FAT1: variants seen among roughly 807,000 people sequenced by gnomAD.
FAT1 encodes the protein FAT atypical cadherin 1, also known as protocadherin Fat 1.
A neutral mutation model predicts 329.8 loss-of-function variants in FAT1; 171 were observed. The ratio of observed to expected loss-of-function variants is 0.52; its 90% CI spans 0.46 to 0.59. FAT1 has a LOEUF of 0.59. Ranked by LOEUF, FAT1 falls within the 20% of genes least tolerant of loss-of-function variation. FAT1 has a pLI of 0.00. For synonymous variants in FAT1, 2,233 were observed against 2,228.6 expected, an observed-to-expected ratio of 1.00 and a Z score of -0.06; for missense variants, 5,672 against 5,774.4, an observed-to-expected ratio of 0.98 and a Z score of 0.57.
rs1438934736 is a variant in FAT1, at chr4:186,645,960, A to AT, written c.3581-6178_3581-6177insA. Among the ~76,000 whole-genome samples, 22 of 113,332 alleles carry AT rather than the reference A, an allele frequency of 1.9e-4. 1 individual carries two copies. Among genetic ancestry groups the AT allele is most frequent in the African/African-American group, 3.4e-4 (9 of 26,348 alleles). The allele number at this position is 113,332 out of a possible 152,430, so 74.4% of individuals were successfully genotyped here. On this transcript the variant is annotated intron_variant, in intron 3 of 26. Transcript: ENST00000441802. ...GACTGTCTCACAAAAAAAAAAAAAA[A>AT]AAATATATACACACACACACACACA...
intron 3 of FAT1, among the ~76,000 whole-genome samples, chr4:186,652,486 T>C (rs1579392185): frequency 1.3e-5 from 2 of 152,228 alleles, no homozygotes; most frequent in East Asian, 3.8e-4. Flanking sequence ...ATGTACTGAA[T>C]AACATTTGAC....
chr4:186,654,636 G>A (rs1435680799), intron 3 of FAT1, among the ~76,000 whole-genome samples: 5 of 152,150 alleles, frequency 3.3e-5, no homozygotes, highest in Non-Finnish European at 5.9e-5. Flanking sequence ...CAGGTTGGGC[G>A]CAGTGGCTCA....
At chr4:186,592,129 C>T (rs933570788) in intron 26 of FAT1, among the ~76,000 whole-genome samples, 3 of 152,154 alleles carry the variant, frequency 2.0e-5, no homozygotes, top group South Asian at 4.1e-4. Flanking sequence ...AATTTCAGTG[C>T]ACTAATAAAG....
chr4:186,721,568 C>T (rs770584208), intron 1 of FAT1, among the ~76,000 whole-genome samples: 1 of 152,212 alleles, frequency 6.6e-6, no homozygotes, highest in Non-Finnish European at 1.5e-5. Flanking sequence ...TAAATCAGGT[C>T]CTTTAGGCTA....
At chr4:186,621,828 A>G (rs919272038) in intron 9 of FAT1, 53 bp from the exon 10 acceptor site, 52 of 1,117,186 alleles carry the variant, frequency 4.7e-5, no homozygotes, top group Admixed American at 3.4e-4. Flanking sequence ...GGGCAGTAGT[A>G]GTAGTAGTTA....
rs772458580 is a variant in FAT1 at position 186,708,174 on chromosome 4, C to T, written c.1654G>A (p.Glu552Lys). ...TTGAGAGTAATTGTAGCAAGGACTTCGACTTCCCGGCGGTACGGCAAGCCC... is the reference window on the plus strand; with the variant it reads ...TTGAGAGTAATTGTAGCAAGGACTTTGACTTCCCGGCGGTACGGCAAGCCC... ...DWGLPYRREV[E>K]VLATITLNNL... is the part of the protein sequence containing the mutation. Residue 552 changes from glutamate to lysine, a missense_variant, in exon 2 of 27, where the codon GAA becomes AAA. Physicochemically the swap from Glu to Lys is moderately conservative, Grantham distance 56 (BLOSUM62 1). This residue lies in a region of FAT1 where 3,966 missense variants were observed against 3,915.2 expected (regional missense o/e 1.01). Transcript: ENST00000441802. 1.7e-5 allele frequency: 28 copies of T among 1,613,856 alleles called. No homozygotes were observed. The highest frequency in any genetic ancestry group is 2.7e-5 in the African/African-American group (2 of 74,904).
chr4:186,661,618 CCT>C (rs1342151879), intron 3 of FAT1, among the ~76,000 whole-genome samples: 4 of 152,170 alleles, frequency 2.6e-5, no homozygotes, highest in African/African-American at 9.7e-5. Flanking sequence ...AGACTTTGCC[CCT>C]GTGTATCTCT....
upstream of FAT1, chr4:186,726,208 C>T (rs999370086): frequency 6.6e-6 from 1 of 152,310 alleles, no homozygotes; most frequent in African/African-American, 2.4e-5. Flanking sequence ...CGCACAAAGC[C>T]AGAGGGATGC....
chr4:186,665,348 C>T (rs1475679562), intron 2 of FAT1, among the ~76,000 whole-genome samples: 1 of 152,220 alleles, frequency 6.6e-6, no homozygotes, highest in African/African-American at 2.4e-5. Context: ...ACATCCTCTC[C>T]AGCACCTGTT....
intron 2 of FAT1, among the ~76,000 whole-genome samples, chr4:186,682,514 G>A (rs1039707806): frequency 9.6e-5 from 7 of 73,130 alleles, no homozygotes; most frequent in Non-Finnish European, 1.7e-4. Context: ...GTGAAAGAGC[G>A]AGACTCTGTC....
At position 186,709,700 on chromosome 4, in the gene FAT1, A is replaced by G. The variant is rs1317768990; in HGVS notation, c.128T>C (p.Val43Ala). 6.2e-7 allele frequency: 1 copy of G among 1,613,868 alleles called. No homozygotes were observed. Among genetic ancestry groups the G allele is most frequent in the Non-Finnish European group, 8.5e-7 (1 of 1,179,888 alleles). The change falls in exon 2 of 27, where the codon GTG becomes GCG. Residue 43 changes from valine (V) to alanine (A), a missense_variant. Physicochemically the swap from Val to Ala is moderately conservative, Grantham distance 64. This residue lies in a region of FAT1 where 3,966 missense variants were observed against 3,915.2 expected (regional missense o/e 1.01). Transcript: ENST00000441802. ...AGTCTTAGCTGCAGAGTTCTCCTGC[A>G]CGGTGACGTTGTACTCGAGGTGTGT... ...QFTHLEYNVT[V>A]QENSAAKTYV...
chr4:186,675,716 C>T (rs377588229), intron 2 of FAT1, among the ~76,000 whole-genome samples: 5 of 151,648 alleles, frequency 3.3e-5, no homozygotes, highest in African/African-American at 1.2e-4. Flanking sequence ...CATTCCAGCC[C>T]AGGTGACAGA....
intron 25 of FAT1, 74 bp from the exon 26 acceptor site, chr4:186,595,900 C>G: frequency 6.8e-7 from 1 of 1,466,808 alleles, no homozygotes; most frequent in Non-Finnish European, 9.4e-7. Context: ...CTGAGACACA[C>G]CATGCATTAC....
In FAT1 at chr4:186,700,067, C is replaced by T. The variant is rs1039760016; in HGVS notation, c.3265+6496G>A. Among the ~76,000 whole-genome samples the T allele has an allele frequency of 5.9e-5, 9 of 152,082 alleles. No individual in the cohort carries two copies. The East Asian group carries it at 7.7e-4, about 13-fold the overall frequency. ...TAAGCTTACTCTGGCTTTCTTGCCC[C>T]GTACTAGATGGCCAAGAGGACAGCT... On this transcript the variant is annotated intron_variant, in intron 2 of 26. Coordinates refer to ENST00000441802, the MANE Select transcript of FAT1 (RefSeq NM_005245.4).
chr4:186,656,864 A>G (rs1412435360), intron 3 of FAT1, among the ~76,000 whole-genome samples: 1 of 152,232 alleles, frequency 6.6e-6, no homozygotes, highest in East Asian at 1.9e-4. Context: ...TTTACAGTAC[A>G]TACATATTGA....
intron 3 of FAT1, among the ~76,000 whole-genome samples, chr4:186,651,064 A>G (rs147530707): frequency 5.1e-4 from 76 of 149,166 alleles, no homozygotes; most frequent in African/African-American, 1.7e-3. Flanking sequence ...TAATTTATTT[A>G]TTATTAATAA....
At chr4:186,623,799 G>GC (rs1740162987) in intron 9 of FAT1, among the ~76,000 whole-genome samples, 1 of 152,090 alleles carries the variant, frequency 6.6e-6, no homozygotes, top group South Asian at 2.1e-4. Context: ...CTGTCTCATC[G>GC]CCCTGTGTTT....
intron 2 of FAT1, among the ~76,000 whole-genome samples, chr4:186,669,513 G>A (rs1026981408): frequency 6.6e-6 from 1 of 152,190 alleles, no homozygotes; most frequent in Admixed American, 6.5e-5. Context: ...TTCCAACCTC[G>A]AGAATACAGT....
At chr4:186,692,467 C>T (rs569255903) in intron 2 of FAT1, among the ~76,000 whole-genome samples, 96 of 152,072 alleles carry the variant, frequency 6.3e-4, no homozygotes, top group Non-Finnish European at 1.2e-4. Context: ...CGCCCGCCAC[C>T]ACGCCCGGCT....
Sources: gnomAD v4.1 joint callset for allele counts (sites outside exome capture counted in the v4.1 genomes callset) on GRCh38, gnomAD v4.1.1 for gene constraint, gnomAD v4.1.1 regional missense constraint, MANE v1.5 for transcripts, NCBI Gene and HGNC (gene_info 2026-07-23, HGNC 2026-07-21) for gene names.